Variants in PFKFB3 observed in about 807,000 individuals in gnomAD.
PFKFB3 encodes the protein 6-phosphofructo-2-kinase/fructose-2,6-biphosphatase 3.
In PFKFB3, 33 loss-of-function variants were observed where a neutral mutation model predicts 68.0. The observed-to-expected ratio is 0.49, with a 90% CI of 0.37 to 0.65. The LOEUF (loss-of-function observed/expected upper bound fraction) is 0.65, where lower values mean the gene tolerates loss of function less well. PFKFB3 is among the 30% of genes least tolerant of loss of function. PFKFB3 has a pLI of 0.00. For synonymous variants in PFKFB3, 315 were observed against 288.2 expected, an observed-to-expected ratio of 1.09 and a Z score of -0.94; for missense variants, 586 against 712.2, an observed-to-expected ratio of 0.82 and a Z score of 2.02.
intron 1 of PFKFB3, among the ~76,000 whole-genome samples, chr10:6,172,751 G>T (rs1002071615): frequency 3.3e-5 from 5 of 151,978 alleles, no homozygotes; most frequent in Non-Finnish European, 7.4e-5. Flanking sequence ...GAGCCCAGTA[G>T]GTCGAGGCTG....
At chr10:6,181,796 TAAAAAAAAAAAAA>T (rs60557537) in intron 1 of PFKFB3, among the ~76,000 whole-genome samples, 2 of 114,168 alleles carry the variant, frequency 1.8e-5, no homozygotes, top group African/African-American at 6.7e-5. Flanking sequence ...AGACTCCGTT[TAAAAAAAAAAAAA>T]AAAAAAAAAA....
At chr10:6,309,913 T>G in the PFKFB3 span, among the ~76,000 whole-genome samples, 10 of 152,164 alleles carry the variant, frequency 6.6e-5, no homozygotes, top group Admixed American at 6.5e-5. Flanking sequence ...ATTCTCACAA[T>G]CTACTGATGC....
chr10:6,223,615 C>T (rs1020867857), intron 11 of PFKFB3, among the ~76,000 whole-genome samples: 5 of 152,178 alleles, frequency 3.3e-5, no homozygotes, highest in African/African-American at 7.2e-5. Context: ...GCCTCCCCCA[C>T]CCTCATGTCT....
At chr10:6,176,190 G>C (rs892268103) in intron 1 of PFKFB3, among the ~76,000 whole-genome samples, 1 of 152,212 alleles carries the variant, frequency 6.6e-6, no homozygotes, top group African/African-American at 2.4e-5. Flanking sequence ...GGAAAATGCT[G>C]AGGGAAGGAA....
At chr10:6,151,550 G>A (rs994455968) in intron 1 of PFKFB3, among the ~76,000 whole-genome samples, 2 of 152,118 alleles carry the variant, frequency 1.3e-5, no homozygotes, top group African/African-American at 4.8e-5. Flanking sequence ...TTCTTAGGGT[G>A]GAGTTGGTCT....
At chr10:6,177,486 T>TTCTTTCTTTCTTTCTTTCTC (rs1189108298) in intron 1 of PFKFB3, among the ~76,000 whole-genome samples, 1 of 132,064 alleles carries the variant, frequency 7.6e-6, no homozygotes, top group African/African-American at 2.8e-5. Flanking sequence ...CTTTCTTTCT[T>TTCTTTCTTTCTTTCTTTCTC]TTTCTTTTCT....
At chr10:6,172,947 C>T (rs993728488) in intron 1 of PFKFB3, among the ~76,000 whole-genome samples, 2 of 152,128 alleles carry the variant, frequency 1.3e-5, no homozygotes, top group African/African-American at 4.8e-5. Flanking sequence ...GCTCCATGCT[C>T]ATCTCCCACA....
At chr10:6,326,060 A>G in the PFKFB3 span, among the ~76,000 whole-genome samples, 1 of 152,204 alleles carries the variant, frequency 6.6e-6, no homozygotes, top group Non-Finnish European at 1.5e-5. Context: ...ACCTTTTATC[A>G]TACATTGTCA....
chr10:6,229,611 C>G lies in PFKFB3; in HGVS notation c.1515+3246C>G, dbSNP rs1398802404. On this transcript the variant is annotated intron_variant, in intron 14 of 14. Transcript: ENST00000379775. This position sits in a 1 kb window ranked among gnomAD's most constrained non-coding sequence, Gnocchi z 4.3. ...AGCTTCTTGGGGCGCACCCTCCATC[C>G]TCAGGGCCAGTGTCTGTGATGCGCG... Among the ~76,000 whole-genome samples the G allele has an allele frequency of 6.6e-6, 1 of 152,216 alleles. No individual in the cohort carries two copies. Among genetic ancestry groups the G allele is most frequent in the Non-Finnish European group, 1.5e-5 (1 of 68,034 alleles).
At chr10:6,196,676 G>A (rs187050849) in intron 1 of PFKFB3, among the ~76,000 whole-genome samples, 1 of 152,228 alleles carries the variant, frequency 6.6e-6, no homozygotes, top group East Asian at 1.9e-4. Flanking sequence ...GGCCCTGCTG[G>A]CAGCTGATTA....
chr10:6,214,924 T>C (rs1190631106), intron 2 of PFKFB3, among the ~76,000 whole-genome samples: 2 of 152,210 alleles, frequency 1.3e-5, no homozygotes, highest in African/African-American at 4.8e-5. Flanking sequence ...ACAGTCTCAG[T>C]CTCTGGTTTA....
chr10:6,268,674 CTAGT>C, the PFKFB3 span, among the ~76,000 whole-genome samples: 4 of 150,680 alleles, frequency 2.7e-5, no homozygotes, highest in East Asian at 1.9e-4. Flanking sequence ...ATAAAAAAGA[CTAGT>C]TAACTTTTTT....
chr10:6,222,385 C>T (rs1436833057), intron 10 of PFKFB3, among the ~76,000 whole-genome samples: 1 of 152,228 alleles, frequency 6.6e-6, no homozygotes, highest in Admixed American at 6.5e-5. Flanking sequence ...ACTTTCATCA[C>T]GTTAAAGTTA....
chr10:6,200,669 G>C (rs1487453883), upstream of PFKFB3, among the ~76,000 whole-genome samples: 3 of 134,844 alleles, frequency 2.2e-5, no homozygotes, highest in Admixed American at 1.4e-4. Flanking sequence ...CGGGGGGGGG[G>C]GGGGGGCGGG....
chr10:6,214,354 G>A (rs745433834), intron 2 of PFKFB3, among the ~76,000 whole-genome samples: 5 of 129,708 alleles, frequency 3.9e-5, no homozygotes, highest in African/African-American at 7.4e-5. Flanking sequence ...TCCCAAAGCC[G>A]TACACCCACA....
the PFKFB3 span, among the ~76,000 whole-genome samples, chr10:6,297,565 C>T: frequency 1.3e-5 from 2 of 151,802 alleles, no homozygotes; most frequent in Admixed American, 1.3e-4. Flanking sequence ...TAAGGAAGCA[C>T]CGTTGGAGGG....
intron 1 of PFKFB3, among the ~76,000 whole-genome samples, chr10:6,188,568 G>A (rs149667159): frequency 6.6e-6 from 1 of 151,406 alleles, no homozygotes; most frequent in Non-Finnish European, 1.5e-5. Context: ...ATGTATTCAC[G>A]CCATTGTGCA....
the PFKFB3 span, among the ~76,000 whole-genome samples, chr10:6,322,509 T>G: frequency 6.6e-6 from 1 of 152,226 alleles, no homozygotes; most frequent in East Asian, 1.9e-4. Flanking sequence ...TCACATTATC[T>G]CACTTCCTTG....
At chr10:6,156,777 T>C (rs796785625) in intron 1 of PFKFB3, among the ~76,000 whole-genome samples, 16 of 152,246 alleles carry the variant, frequency 1.1e-4, no homozygotes, top group African/African-American at 3.8e-4. Context: ...TGAGCCACTG[T>C]GCCTGGCCCA....
Sources: gnomAD v4.1 joint callset for allele counts (sites outside exome capture counted in the v4.1 genomes callset) on GRCh38, gnomAD v4.1.1 for gene constraint, Gnocchi (gnomAD v3.1) non-coding constraint, MANE v1.5 for transcripts, NCBI Gene and HGNC (gene_info 2026-07-23, HGNC 2026-07-21) for gene names.